TRHDE: variants seen among roughly 807,000 people sequenced by gnomAD.
The protein encoded by TRHDE is thyrotropin releasing hormone degrading enzyme.
A neutral mutation model predicts 125.7 loss-of-function variants in TRHDE; 72 were observed. That is an observed-to-expected ratio of 0.57 (90% confidence interval 0.47 to 0.70). The LOEUF is 0.70. TRHDE is among the 30% of genes least tolerant of loss of function. TRHDE has a pLI of 0.00. For missense variants in TRHDE, 1,110 were observed against 1,327.1 expected, an observed-to-expected ratio of 0.84 and a Z score of 2.54; for synonymous variants, 509 against 509.1, an observed-to-expected ratio of 1.00 and a Z score of 0.00.
At chr12:72,562,055 T>C (rs1870203637) in intron 7 of TRHDE, 110 bp from the exon 8 acceptor site, 1 of 537,832 alleles carries the variant, frequency 1.9e-6, no homozygotes, top group South Asian at 2.6e-5. Flanking sequence ...TTTTATGTCC[T>C]TTTTTATTAA....
chr12:72,489,657 T>C (rs951546947), intron 5 of TRHDE, among the ~76,000 whole-genome samples: 5 of 151,718 alleles, frequency 3.3e-5, no homozygotes, highest in African/African-American at 1.2e-4. Context: ...CATAGACCAG[T>C]GGAAAAGAAT....
chr12:72,184,980 C>T (rs999254318), intron 2 of TRHDE, among the ~76,000 whole-genome samples: 4 of 152,282 alleles, frequency 2.6e-5, no homozygotes, highest in East Asian at 1.9e-4. Flanking sequence ...ACTGTGGGAG[C>T]CCCTTTCTGG....
intron 2 of TRHDE, among the ~76,000 whole-genome samples, chr12:72,215,194 G>T (rs1877861796): frequency 1.5e-5 from 1 of 67,304 alleles, no homozygotes; most frequent in Non-Finnish European, 3.5e-5. Flanking sequence ...TCTCTGGCAG[G>T]CAGGAGTGGG....
At chr12:72,146,799 C>T (rs1003521974) in intron 2 of TRHDE, among the ~76,000 whole-genome samples, 1 of 152,220 alleles carries the variant, frequency 6.6e-6, no homozygotes, top group African/African-American at 2.4e-5. Flanking sequence ...GGTATGACTG[C>T]CTTCTGTTTC....
chr12:72,407,011 C>T (rs981750996), intron 3 of TRHDE, among the ~76,000 whole-genome samples: 4 of 152,242 alleles, frequency 2.6e-5, no homozygotes, highest in African/African-American at 4.8e-5. Flanking sequence ...CAAGCTGTTC[C>T]GTGAGTCTTG....
intron 3 of TRHDE, among the ~76,000 whole-genome samples, chr12:72,399,156 C>T (rs1270295196): frequency 6.6e-6 from 1 of 152,188 alleles, no homozygotes; most frequent in East Asian, 1.9e-4. Context: ...TAGTTTCATC[C>T]TGAAGCCATC....
intron 12 of TRHDE, chr12:72,582,171 T>C (rs544181005): frequency 1.2e-6 from 1 of 801,540 alleles, no homozygotes; most frequent in African/African-American, 1.9e-5. Context: ...GCATAATATA[T>C]GTTTGATGAA....
At chr12:72,412,650 GAAA>G (rs1390818509) in intron 3 of TRHDE, among the ~76,000 whole-genome samples, 2 of 152,028 alleles carry the variant, frequency 1.3e-5, no homozygotes, top group Admixed American at 1.3e-4. Flanking sequence ...CCAAACACCA[GAAA>G]GAACTCGAGT....
At chr12:72,659,906 A>C (rs980385548) in intron 18 of TRHDE, among the ~76,000 whole-genome samples, 1 of 152,170 alleles carries the variant, frequency 6.6e-6, no homozygotes, top group Admixed American at 6.5e-5. Flanking sequence ...AGATTGTAAG[A>C]AATAAAGACA....
At chr12:72,145,751 A>G (rs1876212067) in intron 2 of TRHDE, among the ~76,000 whole-genome samples, 1 of 152,166 alleles carries the variant, frequency 6.6e-6, no homozygotes, top group African/African-American at 2.4e-5. Flanking sequence ...CAGATCATTT[A>G]GGTAGCAAAG....
intron 15 of TRHDE, among the ~76,000 whole-genome samples, chr12:72,648,764 T>C (rs757740025): frequency 1.3e-5 from 2 of 151,552 alleles, no homozygotes; most frequent in African/African-American, 2.4e-5. Context: ...CTGGGAAACA[T>C]AGAGAGACCC....
intron 3 of TRHDE, among the ~76,000 whole-genome samples, chr12:72,434,041 A>G (rs1247199537): frequency 1.3e-5 from 2 of 152,112 alleles, no homozygotes. Context: ...TGAGGACTGA[A>G]GTGCCACAGA....
intron 2 of TRHDE, among the ~76,000 whole-genome samples, chr12:72,227,664 C>T (rs1878160873): frequency 6.6e-6 from 1 of 152,206 alleles, no homozygotes; most frequent in Non-Finnish European, 1.5e-5. Flanking sequence ...CAAAAGTCCA[C>T]AGTCCAAAGT....
chr12:72,178,079 A>C (rs1363105545), intron 2 of TRHDE, among the ~76,000 whole-genome samples: 1 of 152,174 alleles, frequency 6.6e-6, no homozygotes, highest in Non-Finnish European at 1.5e-5. Flanking sequence ...AGCACCATTA[A>C]TTGAAATGTT....
At chr12:72,296,337 A>G (rs1171335587) in intron 2 of TRHDE, among the ~76,000 whole-genome samples, 1 of 152,198 alleles carries the variant, frequency 6.6e-6, no homozygotes, top group African/African-American at 2.4e-5. Context: ...GGACATCCGC[A>G]GGAAGATGTA....
intron 3 of TRHDE, among the ~76,000 whole-genome samples, chr12:72,434,770 C>G (rs1025142442): frequency 6.6e-6 from 1 of 152,048 alleles, no homozygotes; most frequent in East Asian, 1.9e-4. Flanking sequence ...AAATATTCAC[C>G]TCTGTACACC....
Position 72,664,544 on chromosome 12 carries a change from A to C in TRHDE, c.*1349A>C, listed in dbSNP as rs1443944120. 6.6e-6 allele frequency: 1 copy of C among 152,314 alleles called. No individual in the cohort carries two copies. Among genetic ancestry groups the C allele is most frequent in the Non-Finnish European group, 1.5e-5 (1 of 68,002 alleles). The allele number at this position is 152,314 out of a possible 1,614,324, so 9.4% of individuals were successfully genotyped here. A position where few individuals can be genotyped will look rare whatever the true frequency, so the allele number is the denominator to read the frequency against. On this transcript the variant is annotated 3_prime_UTR_variant, in exon 19 of 19. Coordinates refer to ENST00000261180, the MANE Select transcript of TRHDE (RefSeq NM_013381.3). ...TTCATGGCTGTGTGTTGTGTAACAC[A>C]AATGTTTTTAAATGGTATTCTCACC...
intron 3 of TRHDE, among the ~76,000 whole-genome samples, chr12:72,402,746 G>C (rs146483191): frequency 0.011 from 1,715 of 152,220 alleles, 13 homozygotes; most frequent in Middle Eastern, 0.041. Flanking sequence ...AATGATGCTA[G>C]ATTTCTTATG....
intron 3 of TRHDE, among the ~76,000 whole-genome samples, chr12:72,414,763 G>A: frequency 6.6e-6 from 1 of 152,128 alleles, no homozygotes; most frequent in East Asian, 1.9e-4. Flanking sequence ...ATCTTCTAGA[G>A]TGAGGACAGG....
Sources: gnomAD v4.1 joint callset for allele counts (sites outside exome capture counted in the v4.1 genomes callset) on GRCh38, gnomAD v4.1.1 for gene constraint, MANE v1.5 for transcripts, NCBI Gene and HGNC (gene_info 2026-07-23, HGNC 2026-07-21) for gene names.